PMP2: variants seen among roughly 807,000 people sequenced by gnomAD.
PMP2 encodes the protein myelin P2 protein.
In PMP2, 11 loss-of-function variants were observed where a neutral mutation model predicts 15.9. The observed-to-expected ratio is 0.69, with a 90% CI of 0.44 to 1.14. PMP2 has a LOEUF of 1.14. Among genes scored for constraint, PMP2 ranks in the 50% most tolerant of loss-of-function variants. PMP2 has a pLI of 0.00. For missense variants in PMP2, 151 were observed against 154.0 expected (o/e 0.98, Z 0.10); for synonymous variants, 55 against 54.1 (o/e 1.02, Z -0.07).
In PMP2 at chr8:81,444,808, A is replaced by G. The variant is rs1807417062; in HGVS notation, c.246+9T>C. 2 of 1,611,480 alleles carry G rather than the reference A, an allele frequency of 1.2e-6. No homozygotes were observed. Among genetic ancestry groups the G allele is most frequent in the Non-Finnish European group, 1.7e-6 (2 of 1,179,186 alleles). On this transcript the variant is annotated intron_variant, in intron 2 of 3. Transcript: ENST00000256103. ...TGGGCCAACTTTGAAGAGAAACATT[A>G]AAGATTACCTTGGTCTTTCTATTGT...
intron 3 of PMP2, 81 bp downstream of exon 3, chr8:81,444,419 A>G: frequency 3.5e-6 from 3 of 863,058 alleles, no homozygotes; most frequent in Non-Finnish European, 5.4e-6. Context: ...TATTCCAAAG[A>G]ACAAAGAATA....
rs1267343755 is a variant in PMP2, at chr8:81,441,668, ATTTAT to A, written c.*1725_*1729del. 6.6e-6 allele frequency: 1 copy of A among 151,776 alleles called. No homozygotes were observed. The highest frequency in any genetic ancestry group is 2.4e-5 in the African/African-American group (1 of 41,332). The allele number at this position is 151,776 out of a possible 1,614,324, so 9.4% of individuals were successfully genotyped here. A position where few individuals can be genotyped will look rare whatever the true frequency, so the allele number is the denominator to read the frequency against. On this transcript the variant is annotated 3_prime_UTR_variant, in exon 4 of 4. Transcript: ENST00000256103. The stretch of plus-strand genomic sequence containing the variant: ...CTATTTTTTCCCAATGGAATTGGGA[ATTTAT>A]TTTATTTTTTTCTCAATTATCTTGT...
intron 1 of PMP2, among the ~76,000 whole-genome samples, chr8:81,445,952 T>C (rs963413875): frequency 6.6e-6 from 1 of 152,112 alleles, no homozygotes; most frequent in Non-Finnish European, 1.5e-5. Context: ...GACTCTTAAG[T>C]TTATTACCAT....
chr8:81,446,971 A>T (rs1433024792), intron 1 of PMP2, among the ~76,000 whole-genome samples: 1 of 152,214 alleles, frequency 6.6e-6, no homozygotes, highest in East Asian at 1.9e-4. Flanking sequence ...GTTGCTATGA[A>T]CGTAGCTCTC....
In PMP2 at chr8:81,441,665, G is replaced by T. The variant is rs1807349416; in HGVS notation, c.*1733C>A. The stretch of plus-strand genomic sequence containing the variant: ...TTTCTATTTTTTCCCAATGGAATTG[G>T]GAATTTATTTTATTTTTTTCTCAAT... On this transcript the variant is annotated 3_prime_UTR_variant, in exon 4 of 4. Transcript: ENST00000256103. 6.6e-6 allele frequency: 1 copy of T among 151,390 alleles called. No individual in the cohort carries two copies. The highest frequency in any genetic ancestry group is 2.4e-5 in the African/African-American group (1 of 41,210). The allele number at this position is 151,390 out of a possible 1,614,324, so 9.4% of individuals were successfully genotyped here.
Position 81,443,444 on chromosome 8 carries a change from C to T in PMP2, c.353G>A (p.Cys118Tyr), listed in dbSNP as rs202025915. 1.3e-6 allele frequency: 2 copies of T among 1,596,186 alleles called. No homozygotes were observed. The highest frequency in any genetic ancestry group is 4.5e-5 in the East Asian group (2 of 44,422). ...GGTGCACACCACGCCCTTCATTTTACATTCCTTAAAAAAGAGAGAGGTTAA... is the reference window on the plus strand; with the variant it reads ...GGTGCACACCACGCCCTTCATTTTATATTCCTTAAAAAAGAGAGAGGTTAA... ...KLVNGKMVAECKMKGVVCTRI... is the reference protein window; with the variant it reads ...KLVNGKMVAEYKMKGVVCTRI... The change falls in exon 4 of 4, where the codon TGT (cysteine) becomes TAT (tyrosine). Residue 118 changes from cysteine to tyrosine, a missense_variant. By Grantham distance (194) the Cys-to-Tyr change is radical. Coordinates refer to ENST00000256103, the MANE Select transcript of PMP2 (RefSeq NM_002677.5).
Position 81,443,389 on chromosome 8 carries a change from A to T in PMP2, c.*9T>A, listed in dbSNP as rs1381767869. 1.1e-5 allele frequency: 17 copies of T among 1,581,640 alleles called. No individual in the cohort carries two copies. Among genetic ancestry groups the T allele is most frequent in the Non-Finnish European group, 1.5e-5 (17 of 1,159,448 alleles). ...TGATAAAAAGCCACTTCAATGAAGA[A>T]ATGATTTTTCAGACCTTCTCATAGA... On this transcript the variant is annotated 3_prime_UTR_variant, in exon 4 of 4. Transcript: ENST00000256103.
intron 3 of PMP2, 41 bp from the exon 4 acceptor site, chr8:81,443,489 AC>A: frequency 1.6e-6 from 2 of 1,234,206 alleles, no homozygotes; most frequent in Non-Finnish European, 2.3e-6. Context: ...TCAAGTTCAA[AC>A]CAGAGAACAG....
intron 3 of PMP2, among the ~76,000 whole-genome samples, chr8:81,443,989 GTCATCACA>G (rs983831470): frequency 6.6e-6 from 1 of 151,852 alleles, no homozygotes; most frequent in African/African-American, 2.4e-5. Flanking sequence ...ATCATCAAAG[GTCATCACA>G]TACAACCTTT....
chr8:81,444,905 C>T lies in PMP2; in HGVS notation c.158G>A (p.Arg53Gln), dbSNP rs769091717. 3.7e-6 allele frequency: 6 copies of T among 1,613,492 alleles called. No homozygotes were observed. The highest frequency in any genetic ancestry group is 2.7e-5 in the African/African-American group (2 of 74,914). ...TGTATTTTTAAAGGTACTTTCAGTT[C>T]GTATAGTTATAATATCTCCTTTCTT... ...ISKKGDIITI[R>Q]TESTFKNTEI... The change falls in exon 2 of 4, where the codon CGA becomes CAA. Residue 53 changes from arginine to glutamine, a missense_variant. By Grantham distance (43) the Arg-to-Gln change is conservative (BLOSUM62 1). Transcript: ENST00000256103.
chr8:81,445,678 TATAG>T (rs1366438518), intron 1 of PMP2, among the ~76,000 whole-genome samples: 1 of 152,216 alleles, frequency 6.6e-6, no homozygotes, highest in Non-Finnish European at 1.5e-5. Context: ...GTACAAATAC[TATAG>T]ATATATTTTA....
In PMP2 at chr8:81,444,871, G is replaced by A. The variant is rs751438413; in HGVS notation, c.192C>T (p.Ser64=). The A allele has an allele frequency of 6.2e-7, 1 of 1,613,734 alleles. No individual in the cohort carries two copies. The highest frequency in any genetic ancestry group is 8.5e-7 in the Non-Finnish European group (1 of 1,179,632). The change falls in exon 2 of 4, where the codon TCC becomes TCT. Residue 64 remains serine (S), a synonymous_variant. Coordinates refer to ENST00000256103, the MANE Select transcript of PMP2 (RefSeq NM_002677.5). ...CTTCAAATTCCTGGCCTAGCTTGAA[G>A]GAGATTTCTGTATTTTTAAAGGTAC... The part of the protein sequence containing the change: ...TESTFKNTEI[S]FKLGQEFEET...
rs1330574294 is a variant in PMP2, at chr8:81,443,089, C to A, written c.*309G>T. Reference sequence around the variant, plus strand: ...ATTTCATTTTACTAAGAAATTATATCCTTTTTATTATCATTTCAAGTATAC... The same window carrying A: ...ATTTCATTTTACTAAGAAATTATATACTTTTTATTATCATTTCAAGTATAC... On this transcript the variant is annotated 3_prime_UTR_variant, in exon 4 of 4. Transcript: ENST00000256103. The A allele has an allele frequency of 4.7e-6, 1 of 214,470 alleles. No individual in the cohort carries two copies. The highest frequency in any genetic ancestry group is 1.1e-4 in the East Asian group (1 of 9,222). The allele number at this position is 214,470 out of a possible 1,614,324, so 13.3% of individuals were successfully genotyped here.
At chr8:81,446,455 A>G (rs1278614315) in intron 1 of PMP2, among the ~76,000 whole-genome samples, 1 of 152,168 alleles carries the variant, frequency 6.6e-6, no homozygotes, top group Non-Finnish European at 1.5e-5. Flanking sequence ...TTTTATCTAA[A>G]ATAGAACATT....
At chr8:81,447,281 C>G (rs766653656) in intron 1 of PMP2, 33 bp downstream of exon 1, 5 of 1,546,486 alleles carry the variant, frequency 3.2e-6, no homozygotes, top group Middle Eastern at 1.7e-4. Flanking sequence ...TAAAAAGGAG[C>G]TTTTCAGCAG....
chr8:81,447,387 C>T lies in PMP2; in HGVS notation c.-1G>A, dbSNP rs139627757. ...AGGTGCCCAGGAATTTGTTGCTCAT[C>T]GTGATGGGTGAGAGCTCAACACAGT... is the stretch of plus-strand genomic sequence containing the variant. On this transcript the variant is annotated 5_prime_UTR_variant, in exon 1 of 4. Coordinates refer to ENST00000256103, the MANE Select transcript of PMP2 (RefSeq NM_002677.5). The T allele has an allele frequency of 1.7e-5, 28 of 1,612,414 alleles. No individual in the cohort carries two copies. Among genetic ancestry groups the T allele is most frequent in the South Asian group, 1.6e-4 (15 of 91,046 alleles).
rs546386085 is a variant in PMP2 at position 81,443,503 on chromosome 8, A to G, written c.349-55T>C. ...CTCAAGTTCAAACCAGAGAACAGAA[A>G]ATTTGTAATAAAAATAGAAATTCAA... On this transcript the variant is annotated intron_variant, in intron 3 of 3. Coordinates refer to ENST00000256103, the MANE Select transcript of PMP2 (RefSeq NM_002677.5). 191 of 1,094,036 alleles carry G rather than the reference A, an allele frequency of 1.7e-4. 1 individual carries two copies. In the East Asian group the frequency reaches 4.3e-3, roughly 25 times the overall value. The allele number at this position is 1,094,036 out of a possible 1,614,324, so 67.8% of individuals were successfully genotyped here. A position where few individuals can be genotyped will look rare whatever the true frequency, so the allele number is the denominator to read the frequency against.
intron 3 of PMP2, among the ~76,000 whole-genome samples, 198 bp from the exon 4 acceptor site, chr8:81,443,646 G>C (rs1807395692): frequency 6.6e-6 from 1 of 152,154 alleles, no homozygotes; most frequent in Non-Finnish European, 1.5e-5. Context: ...CTACGTTGCT[G>C]TAAAGGAATT....
rs1807315869 is a variant in PMP2 at position 81,440,857 on chromosome 8, C to T, written c.*2541G>A. 2 of 152,072 alleles carry T rather than the reference C, an allele frequency of 1.3e-5. No homozygotes were observed. The allele number at this position is 152,072 out of a possible 1,614,324, so 9.4% of individuals were successfully genotyped here. ...CATTATGGCCCTTTACCTCAAAATA[C>T]TTTATTGTGTATTTTCCAAGAATAG... On this transcript the variant is annotated 3_prime_UTR_variant, in exon 4 of 4. Coordinates refer to ENST00000256103, the MANE Select transcript of PMP2 (RefSeq NM_002677.5).
Sources: gnomAD v4.1 joint callset for allele counts (sites outside exome capture counted in the v4.1 genomes callset) on GRCh38, gnomAD v4.1.1 for gene constraint, MANE v1.5 for transcripts, NCBI Gene and HGNC (gene_info 2026-07-23, HGNC 2026-07-21) for gene names.